Variants in RRP36 observed in about 807,000 individuals in gnomAD.
The protein encoded by RRP36 is ribosomal RNA processing protein 36 homolog.
Under a neutral mutation model 39.8 loss-of-function variants are expected in RRP36, and 44 were observed. That is an observed-to-expected ratio of 1.10 (90% CI 0.87 to 1.42). The LOEUF (loss-of-function observed/expected upper bound fraction) is 1.42, where lower values mean the gene tolerates loss of function less well. Ranked by LOEUF, RRP36 falls within the 40% of genes most tolerant of loss-of-function variation. The pLI is 0.00. For missense variants in RRP36, 316 were observed against 322.4 expected, an observed-to-expected ratio of 0.98 and a Z score of 0.15; for synonymous variants, 124 against 123.1, an observed-to-expected ratio of 1.01 and a Z score of -0.05.
At chr6:43,029,039 A>G (rs960397760) in intron 6 of RRP36, 53 bp from the exon 7 acceptor site, 1 of 1,604,216 alleles carries the variant, frequency 6.2e-7, no homozygotes, top group Non-Finnish European at 8.5e-7. Flanking sequence ...GGTTTGGGAA[A>G]GAATAGGGGC....
rs749509939 is a variant in RRP36 at position 43,027,191 on chromosome 6, A to G, written c.464A>G (p.Gln155Arg). ...TCCAATGTGGAGCTTGTGAAAAAAC[A>G]GTTGAAGAAGCACCTTTCAGGAGAG... Reference protein sequence around the residue: ...RAKEKELVKKQLKKHLSGEEH... With the variant: ...RAKEKELVKKRLKKHLSGEEH... The change falls in exon 5 of 7, where the codon CAG becomes CGG. Residue 155 changes from glutamine (Q) to arginine (R), a missense_variant. Coordinates refer to ENST00000244496, the MANE Select transcript of RRP36 (RefSeq NM_033112.4). 2 of 1,614,140 alleles carry G rather than the reference A, an allele frequency of 1.2e-6. No homozygotes were observed. The highest frequency in any genetic ancestry group is 1.1e-5 in the South Asian group (1 of 91,070).
At chr6:43,025,658 G>A (rs991213141) in intron 3 of RRP36, among the ~76,000 whole-genome samples, 2 of 148,458 alleles carry the variant, frequency 1.3e-5, no homozygotes, top group Admixed American at 6.7e-5. Context: ...GAGGCCGGGC[G>A]CAGTGGCTCA....
At chr6:43,028,981 CT>C in intron 6 of RRP36, 110 bp from the exon 7 acceptor site, 6 of 1,404,922 alleles carry the variant, frequency 4.3e-6, no homozygotes, top group Non-Finnish European at 5.8e-6. Flanking sequence ...CACCAGTGAG[CT>C]TTAAAGAACT....
chr6:43,023,121 G>A (rs527391116), intron 1 of RRP36, among the ~76,000 whole-genome samples: 1 of 152,284 alleles, frequency 6.6e-6, no homozygotes, highest in South Asian at 2.1e-4. Flanking sequence ...ATCCTGGCCG[G>A]GTGTGGTGGA....
rs1329286685 is a variant in RRP36 at position 43,029,258 on chromosome 6, C to T, written c.*30C>T. The T allele has an allele frequency of 6.2e-7, 1 of 1,609,654 alleles. No individual in the cohort carries two copies. Among genetic ancestry groups the T allele is most frequent in the Non-Finnish European group, 8.5e-7 (1 of 1,176,500 alleles). On this transcript the variant is annotated 3_prime_UTR_variant, in exon 7 of 7. Transcript: ENST00000244496. ...GAACTATCCTCTGCTCTGCCACTGC[C>T]CCAGGGAGACATGGATCTGTGAGGA... is the stretch of plus-strand genomic sequence containing the variant.
At chr6:43,025,156 T>C in intron 2 of RRP36, 24 bp downstream of exon 2, 1 of 1,613,574 alleles carries the variant, frequency 6.2e-7, no homozygotes, top group Middle Eastern at 1.7e-4. Flanking sequence ...GCCCTAGAAG[T>C]TGGAAGATAA....
At chr6:43,026,906 A>T (rs891696944) in intron 4 of RRP36, among the ~76,000 whole-genome samples, 4 of 85,546 alleles carry the variant, frequency 4.7e-5, no homozygotes, top group Non-Finnish European at 8.0e-5. Context: ...CTACTAAAAT[A>T]AAAAAAAAAA....
intron 6 of RRP36, among the ~76,000 whole-genome samples, chr6:43,028,200 G>A (rs550965931): frequency 3.9e-5 from 6 of 152,020 alleles, no homozygotes; most frequent in Non-Finnish European, 7.4e-5. Context: ...GCCTGGTGGC[G>A]TGCACCTGTA....
Position 43,025,268 on chromosome 6 carries a change from T to C in RRP36, c.284T>C (p.Leu95Pro). 6.2e-7 allele frequency: 1 copy of C among 1,614,176 alleles called. No homozygotes were observed. The highest frequency in any genetic ancestry group is 8.5e-7 in the Non-Finnish European group (1 of 1,180,032). ...GGCTTTTAATTTCTCCATAGGCCTC[T>C]GGAAATGTCAGCCAAGATCCGAGTA... ...NACVADKHRP[L>P]EMSAKIRVPF... Residue 95 changes from leucine (L) to proline (P), a missense_variant, in exon 3 of 7, where the codon CTG (leucine) becomes CCG (proline). Transcript: ENST00000244496.
Position 43,027,490 on chromosome 6 carries a change from C to T in RRP36, c.643+13C>T. On this transcript the variant is annotated intron_variant, in intron 6 of 6. Coordinates refer to ENST00000244496, the MANE Select transcript of RRP36 (RefSeq NM_033112.4). ...TTCCTGAAAAAATGTGAGTTGGGCA[C>T]AACTGTTGCTAACAGGGACAGGGGT... 1 of 1,605,964 alleles carries T rather than the reference C, an allele frequency of 6.2e-7. No homozygotes were observed. The highest frequency in any genetic ancestry group is 2.2e-5 in the East Asian group (1 of 44,826).
intron 6 of RRP36, among the ~76,000 whole-genome samples, chr6:43,027,762 T>TACACACAC (rs57851236): frequency 7.7e-4 from 63 of 81,696 alleles, no homozygotes; most frequent in Non-Finnish European, 1.1e-3. Flanking sequence ...TGGTCTACAC[T>TACACACAC]ACACACACAC....
At chr6:43,027,793 AC>A (rs1762843972) in intron 6 of RRP36, among the ~76,000 whole-genome samples, 1 of 131,388 alleles carries the variant, frequency 7.6e-6, no homozygotes, top group South Asian at 2.6e-4. Flanking sequence ...ACACACACAC[AC>A]ACACAAACAC....
chr6:43,028,099 G>A (rs991190755), intron 6 of RRP36, among the ~76,000 whole-genome samples: 5 of 137,048 alleles, frequency 3.6e-5, no homozygotes, highest in Admixed American at 6.9e-5. Flanking sequence ...AGGCCAGTGT[G>A]GGGGGGTCAC....
intron 1 of RRP36, among the ~76,000 whole-genome samples, chr6:43,024,176 C>T (rs1432548465): frequency 1.3e-5 from 2 of 151,978 alleles, no homozygotes; most frequent in African/African-American, 4.8e-5. Context: ...TTTTAAATAA[C>T]TTAGAGAAGA....
chr6:43,027,072 ATG>A (rs1292726862), intron 4 of RRP36, 104 bp from the exon 5 acceptor site: 478 of 946,424 alleles, frequency 5.1e-4, no homozygotes, highest in Non-Finnish European at 6.0e-4. Flanking sequence ...TCAAAAAAAA[ATG>A]TGTGTGTGTG....
intron 1 of RRP36, among the ~76,000 whole-genome samples, chr6:43,023,647 G>T: frequency 6.8e-6 from 1 of 146,838 alleles, no homozygotes; most frequent in African/African-American, 2.5e-5. Context: ...AGCCGAGATC[G>T]CGCCACTGCA....
In RRP36 at chr6:43,027,366, C is replaced by T. The variant is rs562969123; in HGVS notation, c.532C>T (p.Gln178Ter). Reference protein sequence around the residue: ...LQQLLQRMEQQEMAQQERKQQ... With the variant: ...LQQLLQRMEQ ...TCTCATCTTTGCTCCTCAGGAGCAG[C>T]AAGAAATGGCACAGCAGGAACGAAA... The change falls in exon 6 of 7, where the codon CAA becomes TAA. Residue 178 changes from glutamine (Q) to a stop codon, truncating the protein, a stop_gained. Transcript: ENST00000244496. LOFTEE classifies it high-confidence loss of function. The T allele has an allele frequency of 2.5e-5, 40 of 1,614,000 alleles. No individual in the cohort carries two copies. The highest frequency in any genetic ancestry group is 3.2e-5 in the Non-Finnish European group (38 of 1,180,004).
At position 43,025,028 on chromosome 6, in the gene RRP36, C is replaced by G. The variant is rs1762785157; in HGVS notation, c.174C>G (p.Ser58Arg). The change falls in exon 2 of 7, where the codon AGC (serine) becomes AGG (arginine). Residue 58 changes from serine (S) to arginine (R), a missense_variant. Coordinates refer to ENST00000244496, the MANE Select transcript of RRP36 (RefSeq NM_033112.4). ...TTGAGGAGCTGTTGGAATTGCAGAG[C>G]CAAGTGGGGACTAAGACGTACAAAC... ...MSFEELLELQ[S>R]QVGTKTYKQL... 2 of 1,614,142 alleles carry G rather than the reference C, an allele frequency of 1.2e-6. No individual in the cohort carries two copies. Among genetic ancestry groups the G allele is most frequent in the African/African-American group, 2.7e-5 (2 of 75,038 alleles).
intron 5 of RRP36, 23 bp from the exon 6 acceptor site, chr6:43,027,337 C>G (rs1482624489): frequency 6.2e-7 from 1 of 1,613,206 alleles, no homozygotes; most frequent in African/African-American, 1.3e-5. Flanking sequence ...CTCCCGTTCA[C>G]CCATCTCATC....
Sources: gnomAD v4.1 joint callset for allele counts (sites outside exome capture counted in the v4.1 genomes callset) on GRCh38, gnomAD v4.1.1 for gene constraint, MANE v1.5 for transcripts, NCBI Gene and HGNC (gene_info 2026-07-23, HGNC 2026-07-21) for gene names.